SLC39A11: variants seen among roughly 807,000 people sequenced by gnomAD.
SLC39A11 encodes zinc transporter ZIP11.
A neutral mutation model predicts 36.1 loss-of-function variants in SLC39A11; 33 were observed. The observed-to-expected ratio is 0.91, with a 90% CI of 0.69 to 1.22. The LOEUF (loss-of-function observed/expected upper bound fraction) is 1.22. Ranked by LOEUF, SLC39A11 falls within the 50% of genes most tolerant of loss-of-function variation. The pLI is 0.00. For missense variants in SLC39A11, 432 were observed against 430.3 expected (o/e 1.00, Z -0.03); for synonymous variants, 166 against 170.3 (o/e 0.97, Z 0.20).
At chr17:72,700,849 C>T (rs2072576357) in intron 7 of SLC39A11, among the ~76,000 whole-genome samples, 2 of 152,220 alleles carry the variant, frequency 1.3e-5, no homozygotes, top group Admixed American at 1.3e-4. Flanking sequence ...TCTCCTGAGA[C>T]TTATCCACTA....
At chr17:72,880,202 T>A (rs2081122444) in intron 5 of SLC39A11, among the ~76,000 whole-genome samples, 2 of 152,246 alleles carry the variant, frequency 1.3e-5, no homozygotes, top group Non-Finnish European at 2.9e-5. Flanking sequence ...CTGTCATCCA[T>A]CATCCATCAC....
intron 2 of SLC39A11, among the ~76,000 whole-genome samples, chr17:73,086,835 T>A (rs2060746906): frequency 6.8e-6 from 1 of 146,892 alleles, no homozygotes; most frequent in African/African-American, 2.5e-5. Flanking sequence ...AAATAAAAAA[T>A]AAATAAATAA....
chr17:72,976,023 A>T (rs2087816389), intron 4 of SLC39A11, among the ~76,000 whole-genome samples: 1 of 151,436 alleles, frequency 6.6e-6, no homozygotes, highest in Admixed American at 6.6e-5. Flanking sequence ...ACAAAAAATT[A>T]GCCGGGCGTG....
intron 7 of SLC39A11, among the ~76,000 whole-genome samples, chr17:72,678,178 C>T (rs1266594826): frequency 3.9e-5 from 6 of 152,214 alleles, no homozygotes; most frequent in Admixed American, 2.0e-4. Flanking sequence ...GATGCCCGTT[C>T]CGCTCACAAA....
At chr17:72,969,510 T>C (rs1042348004) in intron 4 of SLC39A11, among the ~76,000 whole-genome samples, 4 of 152,126 alleles carry the variant, frequency 2.6e-5, no homozygotes, top group Admixed American at 6.6e-5. Context: ...ACCAGGAACC[T>C]TGAGATGCCA....
At chr17:72,650,524 C>T (rs1459665839) in intron 7 of SLC39A11, among the ~76,000 whole-genome samples, 2 of 152,098 alleles carry the variant, frequency 1.3e-5, no homozygotes, top group African/African-American at 4.8e-5. Flanking sequence ...GGGGCCAGTC[C>T]GAGTGCCTTA....
At chr17:72,658,136 G>C (rs11656016) in intron 7 of SLC39A11, among the ~76,000 whole-genome samples, 60,967 of 152,168 alleles carry the variant, frequency 0.4, 12,613 homozygotes, top group African/African-American at 0.5. Flanking sequence ...TGGGGAAGGC[G>C]CTGGGCCTGA....
chr17:73,088,195 G>A (rs2060798092), intron 2 of SLC39A11, among the ~76,000 whole-genome samples: 2 of 151,654 alleles, frequency 1.3e-5, no homozygotes, highest in Non-Finnish European at 2.9e-5. Context: ...TCTGGAGGCT[G>A]AGGCAGGAGA....
rs1237493733 is a variant in SLC39A11, at chr17:72,671,790, C to T, written c.672-22522G>A. Among the ~76,000 whole-genome samples the T allele has an allele frequency of 3.3e-5, 5 of 151,888 alleles. No homozygotes were observed. The East Asian group carries it at 9.6e-4, about 29-fold the overall frequency. ...AGTAAATCATAAGACAAATACTGAA[C>T]AATATCACCTATATGCAGAATCTTA... On this transcript the variant is annotated intron_variant, in intron 7 of 9. Coordinates refer to ENST00000255559, the MANE Select transcript of SLC39A11 (RefSeq NM_139177.4).
intron 5 of SLC39A11, among the ~76,000 whole-genome samples, chr17:72,905,526 G>C (rs1331532830): frequency 6.6e-6 from 1 of 151,588 alleles, no homozygotes; most frequent in Non-Finnish European, 1.5e-5. Context: ...GAACCTGGGG[G>C]ACGGAGGTTG....
chr17:72,821,716 T>C (rs928746705), intron 6 of SLC39A11: 1 of 151,228 alleles, frequency 6.6e-6, no homozygotes, highest in African/African-American at 2.4e-5. Context: ...GTCCTGGTGA[T>C]GTTTTCATCT....
At chr17:72,717,812 T>C (rs895004429) in intron 7 of SLC39A11, among the ~76,000 whole-genome samples, 19 of 152,190 alleles carry the variant, frequency 1.2e-4, no homozygotes, top group African/African-American at 4.3e-4. Context: ...TCACTCTTGC[T>C]CTGTAGCTCT....
At chr17:72,890,901 G>C (rs1300252012) in intron 5 of SLC39A11, among the ~76,000 whole-genome samples, 1 of 152,092 alleles carries the variant, frequency 6.6e-6, no homozygotes, top group Non-Finnish European at 1.5e-5. Flanking sequence ...GGAAGGATGA[G>C]AATGATTAAG....
chr17:72,661,106 G>C (rs2070394575), intron 7 of SLC39A11, among the ~76,000 whole-genome samples: 2 of 152,224 alleles, frequency 1.3e-5, no homozygotes, highest in Admixed American at 1.3e-4. Context: ...TGGCACGACA[G>C]ATTTGGGGCT....
At chr17:72,999,644 C>A (rs909920914) in intron 4 of SLC39A11, among the ~76,000 whole-genome samples, 1 of 152,170 alleles carries the variant, frequency 6.6e-6, no homozygotes, top group Non-Finnish European at 1.5e-5. Context: ...TGAGGAGCCA[C>A]GGAAGGCAAC....
intron 5 of SLC39A11, among the ~76,000 whole-genome samples, chr17:72,872,541 A>G (rs1468278692): frequency 6.6e-6 from 1 of 152,210 alleles, no homozygotes; most frequent in African/African-American, 2.4e-5. Context: ...CTTTGCGAAA[A>G]TTATGACAGT....
intron 4 of SLC39A11, among the ~76,000 whole-genome samples, chr17:72,966,319 T>A (rs2086970065): frequency 6.6e-6 from 1 of 152,180 alleles, no homozygotes; most frequent in South Asian, 2.1e-4. Flanking sequence ...CGGCCCAGGC[T>A]CTTTCGGGTG....
At chr17:73,047,186 G>A (rs941657089) in intron 3 of SLC39A11, among the ~76,000 whole-genome samples, 3 of 151,832 alleles carry the variant, frequency 2.0e-5, no homozygotes, top group African/African-American at 4.8e-5. Context: ...CACCACGCCC[G>A]GCTAATTTTT....
Position 72,771,798 on chromosome 17 carries a change from C to T in SLC39A11, c.602-35079G>A, listed in dbSNP as rs565073343. Among the ~76,000 whole-genome samples, 31 of 152,258 alleles carry T rather than the reference C, an allele frequency of 2.0e-4. No individual in the cohort carries two copies. The South Asian group carries it at 2.5e-3, about 12-fold the overall frequency. On this transcript the variant is annotated intron_variant, in intron 6 of 9. Transcript: ENST00000255559. ...TGTCAAACGATCAAGGAAAATGCAA[C>T]GTCTCACATCATGCTGATTTCAAAA...
Sources: allele counts gnomAD v4.1 joint callset (sites outside exome capture counted in the v4.1 genomes callset), GRCh38; gene constraint gnomAD v4.1.1; transcripts MANE v1.5; gene names NCBI Gene and HGNC (gene_info 2026-07-23, HGNC 2026-07-21).